Variants in HAL observed in about 807,000 individuals in gnomAD.
HAL encodes histidine ammonia-lyase.
In HAL, 85 loss-of-function variants were observed where a neutral mutation model predicts 81.1. The ratio of observed to expected loss-of-function variants is 1.05; its 90% CI spans 0.88 to 1.25. HAL has a LOEUF of 1.25. Among genes scored for constraint, HAL ranks in the 50% most tolerant of loss-of-function variants. The probability of loss-of-function intolerance (pLI) is 0.00; values close to 1 mark genes in which losing one functional copy is unlikely to be tolerated. For synonymous variants in HAL, 301 were observed against 309.2 expected (o/e 0.97, Z 0.28); for missense variants, 798 against 836.6 (o/e 0.95, Z 0.57).
intron 17 of HAL, 42 bp downstream of exon 17, chr12:95,980,514 G>A (rs2080777220): frequency 6.3e-7 from 1 of 1,593,306 alleles, no homozygotes; most frequent in Non-Finnish European, 8.6e-7. Context: ...AAGACCCTTA[G>A]ATGGACGGGC....
rs2080686632 is a variant in HAL at position 95,974,127 on chromosome 12, A to G, written c.*105T>C. 1 of 976,608 alleles carries G rather than the reference A, an allele frequency of 1.0e-6. No individual in the cohort carries two copies. The highest frequency in any genetic ancestry group is 1.6e-5 in the African/African-American group (1 of 62,946). The allele number at this position is 976,608 out of a possible 1,614,324, so 60.5% of individuals were successfully genotyped here. On this transcript the variant is annotated 3_prime_UTR_variant, in exon 21 of 21. Transcript: ENST00000261208. ...AGGCTTTAGAAGAACTGAATGATACAATGGATTGATCTACCTAGGAAAGTT... is the reference window on the plus strand; with the variant it reads ...AGGCTTTAGAAGAACTGAATGATACGATGGATTGATCTACCTAGGAAAGTT...
chr12:95,992,377 A>G (rs1340260825), intron 9 of HAL, among the ~76,000 whole-genome samples: 1 of 152,208 alleles, frequency 6.6e-6, no homozygotes, highest in African/African-American at 2.4e-5. Flanking sequence ...ACTTAATCCA[A>G]GTTTCTTCTA....
chr12:95,993,957 C>T lies in HAL; in HGVS notation c.453G>A (p.Glu151=), dbSNP rs766773301. The change falls in exon 6 of 21, where the codon GAG becomes GAA. Residue 151 remains glutamate (E), a synonymous_variant. Coordinates refer to ENST00000261208, the MANE Select transcript of HAL (RefSeq NM_002108.4). The part of the protein sequence containing the change: ...TAEKRVQKSR[E]VIDSIIKEKT... ...TCTCTTTTATGATGCTATCTATGAC[C>T]TCCCTGGATTTCTGCACCCTCTTCT... 1.2e-6 allele frequency: 2 copies of T among 1,608,832 alleles called. No homozygotes were observed. Among genetic ancestry groups the T allele is most frequent in the South Asian group, 1.1e-5 (1 of 90,962 alleles).
chr12:95,988,343 A>G (rs191029971), intron 10 of HAL, 103 bp from the exon 11 acceptor site: 6 of 745,994 alleles, frequency 8.0e-6, no homozygotes, highest in East Asian at 7.3e-5. Flanking sequence ...CCAAAAGTCC[A>G]TCTTATAAGA....
At chr12:95,991,035 G>C (rs564568959) in intron 9 of HAL, among the ~76,000 whole-genome samples, 1 of 152,156 alleles carries the variant, frequency 6.6e-6, no homozygotes, top group Non-Finnish European at 1.5e-5. Context: ...ACTTGAACCC[G>C]TGAGGTGGAG....
At chr12:95,980,748 C>G (rs1456728690) in intron 16 of HAL, 27 bp from the exon 17 acceptor site, 3 of 1,610,288 alleles carry the variant, frequency 1.9e-6, no homozygotes, top group African/African-American at 1.3e-5. Context: ...ATTTAGTCAG[C>G]CTATATTGAA....
At chr12:95,974,495 C>T (rs918558962) in intron 20 of HAL, 123 bp from the exon 21 acceptor site, 6 of 870,620 alleles carry the variant, frequency 6.9e-6, no homozygotes, top group Non-Finnish European at 5.7e-6. Context: ...CTGCTGTTTG[C>T]TTGCTTTTAT....
At position 95,993,755 on chromosome 12, in the gene HAL, G is replaced by A. The variant is rs371801090; in HGVS notation, c.551+17C>T. The A allele has an allele frequency of 3.6e-5, 50 of 1,379,552 alleles. No individual in the cohort carries two copies. The African/African-American group carries it at 6.4e-4, about 18-fold the overall frequency. 85.5% of individuals were successfully genotyped at this position (1,379,552 alleles called of 1,614,324 possible). On this transcript the variant is annotated intron_variant, in intron 7 of 20. Transcript: ENST00000261208. ...GAGGGTAGGTGGAACGTGAACATAT[G>A]TGTGTTTTAAACTTACTGTAGCTTA...
rs2080686667 is a variant in HAL at position 95,974,131 on chromosome 12, G to T, written c.*101C>A. The T allele has an allele frequency of 1.0e-6, 1 of 1,004,316 alleles. No individual in the cohort carries two copies. Among genetic ancestry groups the T allele is most frequent in the East Asian group, 2.4e-5 (1 of 42,128 alleles). The allele number at this position is 1,004,316 out of a possible 1,614,324, so 62.2% of individuals were successfully genotyped here. A position where few individuals can be genotyped will look rare whatever the true frequency, so the allele number is the denominator to read the frequency against. Reference sequence around the variant, plus strand: ...TTTAGAAGAACTGAATGATACAATGGATTGATCTACCTAGGAAAGTTCTCA... The same window carrying T: ...TTTAGAAGAACTGAATGATACAATGTATTGATCTACCTAGGAAAGTTCTCA... On this transcript the variant is annotated 3_prime_UTR_variant, in exon 21 of 21. Coordinates refer to ENST00000261208, the MANE Select transcript of HAL (RefSeq NM_002108.4).
Position 95,995,866 on chromosome 12 carries a change from C to T in HAL, c.45G>A (p.Val15=), listed in dbSNP as rs962803650. 1.9e-6 allele frequency: 3 copies of T among 1,608,026 alleles called. No homozygotes were observed. The highest frequency in any genetic ancestry group is 2.2e-5 in the East Asian group (1 of 44,884). Residue 15 remains valine, a synonymous_variant, in exon 2 of 21, where the codon GTG becomes GTA. Coordinates refer to ENST00000261208, the MANE Select transcript of HAL (RefSeq NM_002108.4). The stretch of plus-strand genomic sequence containing the variant: ...CAGTGAGCTGCGCGTCCTGGCAGGG[C>T]ACTGCCAGCCATTCCCCACGTACGT... ...TVHVRGEWLA[V]PCQDAQLTVG... is the part of the protein sequence containing the mutation.
intron 2 of HAL, chr12:95,995,218 A>G: frequency 1.6e-6 from 1 of 608,236 alleles, no homozygotes; most frequent in South Asian, 2.0e-5. Context: ...TGAAAGTTCA[A>G]GACAGAATTC....
At chr12:95,978,151 A>G in intron 17 of HAL, 73 bp from the exon 18 acceptor site, 1 of 1,173,710 alleles carries the variant, frequency 8.5e-7, no homozygotes, top group South Asian at 1.2e-5. Context: ...TGGCTTCCAC[A>G]GAGTGCTCCA....
chr12:95,995,021 C>A, intron 2 of HAL, 28 bp from the exon 3 acceptor site: 1 of 1,532,590 alleles, frequency 6.5e-7, no homozygotes, highest in Non-Finnish European at 9.0e-7. Flanking sequence ...AGACTCGTTA[C>A]AGATCACATT....
Position 95,980,675 on chromosome 12 carries a change from C to T in HAL, c.1400G>A (p.Ser467Asn). 6.2e-7 allele frequency: 1 copy of T among 1,613,992 alleles called. No individual in the cohort carries two copies. The highest frequency in any genetic ancestry group is 8.5e-7 in the Non-Finnish European group (1 of 1,179,846). Residue 467 changes from serine to asparagine, a missense_variant, in exon 17 of 21, where the codon AGT becomes AAT. Ser to Asn is a conservative substitution (Grantham distance 46). Coordinates refer to ENST00000261208, the MANE Select transcript of HAL (RefSeq NM_002108.4). ...GCAGAGCCGCTCGATTCTTCTCTCA[C>T]TGATTGCAGCAAGTTCATGGATGCC... The part of the protein sequence containing the change: ...AIGIHELAAI[S>N]ERRIERLCNP...
chr12:95,981,470 C>A (rs1319865545), intron 15 of HAL, among the ~76,000 whole-genome samples: 2 of 152,032 alleles, frequency 1.3e-5, no homozygotes, highest in Admixed American at 6.6e-5. Flanking sequence ...TGAGGTAATT[C>A]TTTTTTTATT....
At position 95,990,407 on chromosome 12, in the gene HAL, C is replaced by G. The variant is rs140891326; in HGVS notation, c.841G>C (p.Ala281Pro). The change falls in exon 10 of 21, where the codon GCT becomes CCT. Residue 281 changes from alanine to proline, a missense_variant. Coordinates refer to ENST00000261208, the MANE Select transcript of HAL (RefSeq NM_002108.4). The stretch of plus-strand genomic sequence containing the variant: ...ACGAGTCTTACGTATTTAGCATCAG[C>G]CCAGCCACTCTTCGGAGACCACATC... ...GKMWSPKSGWADAKYVLEAHG... is the reference protein window; with the variant it reads ...GKMWSPKSGWPDAKYVLEAHG... 6.2e-7 allele frequency: 1 copy of G among 1,613,644 alleles called. No individual in the cohort carries two copies. Among genetic ancestry groups the G allele is most frequent in the Non-Finnish European group, 8.5e-7 (1 of 1,179,558 alleles).
In HAL at chr12:95,989,378, C is replaced by T. The variant is rs78499037; in HGVS notation, c.855+1015G>A. Among the ~76,000 whole-genome samples, 242 of 152,324 alleles carry T rather than the reference C, an allele frequency of 1.6e-3. 1 individual carries two copies. The highest frequency in any genetic ancestry group is 5.5e-3 in the African/African-American group (230 of 41,574). On this transcript the variant is annotated intron_variant, in intron 10 of 20. Coordinates refer to ENST00000261208, the MANE Select transcript of HAL (RefSeq NM_002108.4). ...ATTATTTTATGTAGAGGCGGAGCCT[C>T]GCTTTCTTGCCCAGGCTGGTCTTGA...
intron 18 of HAL, 24 bp downstream of exon 18, chr12:95,977,920 C>G: frequency 1.2e-6 from 2 of 1,613,606 alleles, no homozygotes; most frequent in Non-Finnish European, 1.7e-6. Flanking sequence ...GGCAGGCCCG[C>G]CACCCCGAAC....
chr12:95,992,033 A>T (rs575349848), intron 9 of HAL, among the ~76,000 whole-genome samples: 1 of 152,258 alleles, frequency 6.6e-6, no homozygotes, highest in African/African-American at 2.4e-5. Flanking sequence ...GTCTCCACTG[A>T]CCTAGAAGGC....
Sources: gnomAD v4.1 joint callset for allele counts (sites outside exome capture counted in the v4.1 genomes callset) on GRCh38, gnomAD v4.1.1 for gene constraint, MANE v1.5 for transcripts, NCBI Gene and HGNC (gene_info 2026-07-23, HGNC 2026-07-21) for gene names.